The following STK3 variants were observed in gnomAD, a reference collection of about 807,000 sequenced individuals.
STK3 encodes serine/threonine kinase 3, also known as serine/threonine-protein kinase 3.
Under a neutral mutation model 58.0 loss-of-function variants are expected in STK3, and 41 were observed. The ratio of observed to expected loss-of-function variants is 0.71; its 90% confidence interval spans 0.55 to 0.92. STK3 has a LOEUF of 0.92. STK3 is among the 40% of genes least tolerant of loss of function. The probability of loss-of-function intolerance (pLI) is 0.00; values close to 1 mark genes in which losing one functional copy is unlikely to be tolerated. For missense variants in STK3, 479 were observed against 602.7 expected, an observed-to-expected ratio of 0.79 and a Z score of 2.15; for synonymous variants, 170 against 191.0, an observed-to-expected ratio of 0.89 and a Z score of 0.91.
At chr8:98,368,479 G>A (rs772694814), downstream of STK3, among the ~76,000 whole-genome samples, 29 of 152,128 alleles carry the variant, frequency 1.9e-4, no homozygotes, top group Non-Finnish European at 3.7e-4. Context: ...AGGGGCCCCC[G>A]TTCCTTGACA....
At chr8:98,711,947 T>G (rs1043784546) in intron 4 of STK3, among the ~76,000 whole-genome samples, 3 of 152,068 alleles carry the variant, frequency 2.0e-5, no homozygotes, top group Non-Finnish European at 1.5e-5. Context: ...CGGCAGAAAC[T>G]CTACAAGCCA....
chr8:98,891,187 C>T (rs1351448475), intron 1 of STK3, among the ~76,000 whole-genome samples: 5 of 152,220 alleles, frequency 3.3e-5, no homozygotes, highest in African/African-American at 7.2e-5. Context: ...AGCTCAGCAC[C>T]GCATGGTGCA....
chr8:98,929,995 C>T (rs1261242120), intron 1 of STK3, among the ~76,000 whole-genome samples: 1 of 152,196 alleles, frequency 6.6e-6, no homozygotes, highest in Non-Finnish European at 1.5e-5. Context: ...CAATATATAA[C>T]CTTTCTCAAA....
At position 98,837,830 on chromosome 8, in the gene STK3, G is replaced by A. The variant is rs559302918; in HGVS notation, c.110+45817C>T. On this transcript the variant is annotated intron_variant, in intron 3 of 12. Coordinates refer to the STK3 transcript ENST00000523601. The stretch of plus-strand genomic sequence containing the variant: ...ACCTGTAGTCCTAGCTACTTGAGAA[G>A]CTGACATGGAAGGATCACTTGAGCC... 1.6e-4 allele frequency among the ~76,000 whole-genome samples: 25 copies of A among 152,272 alleles called. 1 individual carries two copies. Among genetic ancestry groups the A allele is most frequent in the African/African-American group, 6.0e-4 (25 of 41,558 alleles).
intron 4 of STK3, among the ~76,000 whole-genome samples, chr8:98,710,338 CG>C (rs1826302054): frequency 6.6e-6 from 1 of 152,132 alleles, no homozygotes; most frequent in African/African-American, 2.4e-5. Context: ...TGAAGCAGGG[CG>C]GGGCATCACC....
chr8:98,752,014 T>C (rs1416910548), intron 3 of STK3, among the ~76,000 whole-genome samples: 3 of 151,980 alleles, frequency 2.0e-5, no homozygotes, highest in South Asian at 2.1e-4. Flanking sequence ...AAAATGGCCA[T>C]ACTGCCCAAA....
intron 1 of STK3, among the ~76,000 whole-genome samples, chr8:98,386,139 C>T (rs979773867): frequency 1.3e-5 from 2 of 152,022 alleles, no homozygotes; most frequent in Non-Finnish European, 2.9e-5. Flanking sequence ...ATATTACAAC[C>T]CCTATAGAAA....
rs528218941 is a variant in STK3 at position 98,910,395 on chromosome 8, G to A, written c.-78-26561C>T. ...TTTTTAGTAACTTTTAAATATTCCA[G>A]CAGATGAGCTCAATAAACGTGAAGA... On this transcript the variant is annotated intron_variant, in intron 1 of 1. Coordinates refer to the STK3 transcript ENST00000519420. Among the ~76,000 whole-genome samples the A allele has an allele frequency of 5.0e-4, 76 of 152,094 alleles. 1 individual carries two copies. The South Asian group carries it at 0.015, about 30-fold the overall frequency.
chr8:98,721,084 A>AT (rs34068299), intron 4 of STK3: 4 of 985,122 alleles, frequency 4.1e-6, no homozygotes, highest in Non-Finnish European at 4.8e-6. Context: ...CTGGCCAATA[A>AT]TTTTTTTGAT....
chr8:98,852,044 CAGAA>C (rs2131832317), intron 3 of STK3, among the ~76,000 whole-genome samples: 1 of 151,248 alleles, frequency 6.6e-6, no homozygotes, highest in South Asian at 2.1e-4. Flanking sequence ...AGCCAAGAGA[CAGAA>C]AGACAAGAGA....
chr8:98,697,678 T>G (rs970262560), intron 6 of STK3, among the ~76,000 whole-genome samples: 11 of 152,340 alleles, frequency 7.2e-5, no homozygotes, highest in Admixed American at 1.3e-4. Flanking sequence ...TTGAGTGAGT[T>G]TCTTAATCCT....
intron 6 of STK3, among the ~76,000 whole-genome samples, chr8:98,599,912 G>A (rs775468348): frequency 1.3e-5 from 2 of 152,066 alleles, no homozygotes; most frequent in South Asian, 2.1e-4. Context: ...AGGTTACAAC[G>A]AGCCAAGATC....
intron 6 of STK3, among the ~76,000 whole-genome samples, chr8:98,615,097 C>T (rs906327045): frequency 4.0e-5 from 6 of 151,878 alleles, no homozygotes; most frequent in African/African-American, 9.7e-5. Context: ...GTTCTCCCAG[C>T]ACGCAGCTGG....
At chr8:98,802,978 A>AT (rs1833655822) in intron 1 of STK3, among the ~76,000 whole-genome samples, 1 of 151,868 alleles carries the variant, frequency 6.6e-6, no homozygotes, top group African/African-American at 2.4e-5. Flanking sequence ...TCCCCAGCAC[A>AT]AAAAACTGTA....
intron 3 of STK3, among the ~76,000 whole-genome samples, chr8:98,763,380 G>T (rs750625342): frequency 1.4e-4 from 21 of 151,944 alleles, no homozygotes; most frequent in Non-Finnish European, 2.8e-4. Flanking sequence ...CACTTAAAAT[G>T]AACAAAAAAA....
chr8:98,514,591 C>T (rs17372001), intron 10 of STK3, among the ~76,000 whole-genome samples: 2,939 of 151,186 alleles, frequency 0.019, 34 homozygotes, highest in Admixed American at 0.036. Flanking sequence ...TCTCAGGTGA[C>T]AGCTGTAATC....
chr8:98,466,278 G>A (rs1231569479), intron 10 of STK3, among the ~76,000 whole-genome samples: 1 of 152,154 alleles, frequency 6.6e-6, no homozygotes, highest in East Asian at 1.9e-4. Context: ...TCTGTAACTA[G>A]CTTACTGGGT....
At chr8:98,492,051 A>G (rs930501759) in intron 10 of STK3, among the ~76,000 whole-genome samples, 1 of 152,244 alleles carries the variant, frequency 6.6e-6, no homozygotes, top group Non-Finnish European at 1.5e-5. Flanking sequence ...CAGAAACATC[A>G]TATTTTAGAA....
At chr8:98,617,188 T>G (rs1817816444) in intron 6 of STK3, among the ~76,000 whole-genome samples, 1 of 151,334 alleles carries the variant, frequency 6.6e-6, no homozygotes, top group African/African-American at 2.4e-5. Context: ...ACATGGAAAC[T>G]GAACAACCTG....
Sources: allele counts gnomAD v4.1 joint callset (sites outside exome capture counted in the v4.1 genomes callset), GRCh38; gene constraint gnomAD v4.1.1; transcripts MANE v1.5; gene names NCBI Gene and HGNC (gene_info 2026-07-23, HGNC 2026-07-21).